Variants in RAB31 observed in about 807,000 individuals in gnomAD.
The protein encoded by RAB31 is RAB31, member RAS oncogene family.
A neutral mutation model predicts 25.6 loss-of-function variants in RAB31; 21 were observed. The observed-to-expected ratio is 0.82, with a 90% confidence interval of 0.58 to 1.18. The LOEUF (loss-of-function observed/expected upper bound fraction) is 1.18, where lower values mean the gene tolerates loss of function less well. Among genes scored for constraint, RAB31 ranks in the 50% most tolerant of loss-of-function variants. The probability of loss-of-function intolerance (pLI) is 0.00; values close to 1 mark genes in which losing one functional copy is unlikely to be tolerated. For missense variants in RAB31, 196 were observed against 250.1 expected (o/e 0.78, Z 1.46); for synonymous variants, 87 against 84.0 (o/e 1.04, Z -0.20).
chr18:9,850,602 A>T (rs1451975342), intron 6 of RAB31, among the ~76,000 whole-genome samples: 1 of 152,226 alleles, frequency 6.6e-6, no homozygotes, highest in African/African-American at 2.4e-5. Flanking sequence ...TGTGGCAGAG[A>T]AAGCAGGACT....
chr18:9,746,119 C>T (rs566411309), intron 1 of RAB31, among the ~76,000 whole-genome samples: 1 of 152,232 alleles, frequency 6.6e-6, no homozygotes, highest in South Asian at 2.1e-4. Context: ...GTTTTTACAC[C>T]AGCAGTGAAC....
intron 1 of RAB31, among the ~76,000 whole-genome samples, chr18:9,749,091 A>T (rs892821556): frequency 6.6e-6 from 1 of 152,178 alleles, no homozygotes; most frequent in African/African-American, 2.4e-5. Context: ...AAAAAAATAG[A>T]GGCATCATTA....
At chr18:9,800,390 A>G (rs2068507902) in intron 3 of RAB31, among the ~76,000 whole-genome samples, 2 of 152,188 alleles carry the variant, frequency 1.3e-5, no homozygotes, top group Non-Finnish European at 2.9e-5. Context: ...TTCCCATTAA[A>G]AAACCTGAAG....
At chr18:9,758,756 G>C (rs1202124082) in intron 1 of RAB31, among the ~76,000 whole-genome samples, 1 of 152,070 alleles carries the variant, frequency 6.6e-6, no homozygotes, top group Non-Finnish European at 1.5e-5. Context: ...ATCTGATTCT[G>C]AGTCTCAGCT....
intron 2 of RAB31, among the ~76,000 whole-genome samples, chr18:9,778,268 C>T (rs761760222): frequency 7.4e-4 from 112 of 152,098 alleles, no homozygotes; most frequent in Non-Finnish European, 1.4e-3. Flanking sequence ...TGGCAGGAGC[C>T]GTGTGTGCAT....
chr18:9,859,086 A>G, intron 6 of RAB31, 142 bp from the exon 7 acceptor site: 1 of 653,654 alleles, frequency 1.5e-6, no homozygotes, highest in South Asian at 2.0e-5. Flanking sequence ...AAGGAAAGGA[A>G]GGAAGGAGAA....
intron 1 of RAB31, among the ~76,000 whole-genome samples, chr18:9,718,474 G>T (rs1400235882): frequency 6.6e-6 from 1 of 151,940 alleles, no homozygotes; most frequent in Non-Finnish European, 1.5e-5. Context: ...GGTCAGGCTG[G>T]TCTTGAACTC....
rs570432985 is a variant in RAB31 at position 9,802,643 on chromosome 18, G to A, written c.201+10408G>A. Among the ~76,000 whole-genome samples the A allele has an allele frequency of 4.6e-5, 7 of 152,310 alleles. No homozygotes were observed. The East Asian group carries it at 1.2e-3, about 25-fold the overall frequency. On this transcript the variant is annotated intron_variant, in intron 3 of 6. Coordinates refer to ENST00000578921, the MANE Select transcript of RAB31 (RefSeq NM_006868.4). ...CCACCCCAGGCTGTTCAGCCATACC[G>A]CTTGTTCACCTCCTTCAGATTAATT...
chr18:9,718,671 A>G (rs2068056266), intron 1 of RAB31, among the ~76,000 whole-genome samples: 1 of 152,204 alleles, frequency 6.6e-6, no homozygotes, highest in Non-Finnish European at 1.5e-5. Flanking sequence ...GGGCTGAAAA[A>G]CAACAGAAAT....
chr18:9,758,691 C>A (rs1311153205), intron 1 of RAB31, among the ~76,000 whole-genome samples: 1 of 152,108 alleles, frequency 6.6e-6, no homozygotes, highest in African/African-American at 2.4e-5. Flanking sequence ...GGACTTACAG[C>A]AATAGCCATG....
intron 6 of RAB31, among the ~76,000 whole-genome samples, chr18:9,850,629 A>T (rs910578427): frequency 6.6e-6 from 1 of 152,198 alleles, no homozygotes; most frequent in Non-Finnish European, 1.5e-5. Context: ...TGAAAATTAC[A>T]CTTGGAGACA....
At chr18:9,775,032 A>G (rs1341855069) in intron 1 of RAB31, 4 of 615,802 alleles carry the variant, frequency 6.5e-6, no homozygotes, top group African/African-American at 1.8e-5. Context: ...TAAATATTGT[A>G]TACATGTCAG....
At chr18:9,809,418 A>C (rs1297615426) in intron 3 of RAB31, among the ~76,000 whole-genome samples, 1 of 152,252 alleles carries the variant, frequency 6.6e-6, no homozygotes, top group Non-Finnish European at 1.5e-5. Flanking sequence ...ACTAAAACCA[A>C]AATAAATAGG....
At chr18:9,812,265 A>G (rs988994185) in intron 3 of RAB31, among the ~76,000 whole-genome samples, 1 of 152,192 alleles carries the variant, frequency 6.6e-6, no homozygotes, top group East Asian at 1.9e-4. Context: ...ACATTATACC[A>G]TGAGTCAATT....
intron 5 of RAB31, among the ~76,000 whole-genome samples, chr18:9,820,166 T>C (rs1021080025): frequency 6.6e-6 from 1 of 152,114 alleles, no homozygotes; most frequent in African/African-American, 2.4e-5. Context: ...CCAGTAAGTA[T>C]CACACTAACT....
At chr18:9,814,235 A>G (rs1312051830) in intron 4 of RAB31, 144 bp downstream of exon 4, 1 of 582,796 alleles carries the variant, frequency 1.7e-6, no homozygotes, top group Admixed American at 2.7e-5. Flanking sequence ...GTAACAAAGC[A>G]TCCCATATTT....
At position 9,860,258 on chromosome 18, in the gene RAB31, T is replaced by C. The variant is rs1326764213; in HGVS notation, c.*933T>C. The C allele has an allele frequency of 2.6e-5, 4 of 152,292 alleles. No individual in the cohort carries two copies. The highest frequency in any genetic ancestry group is 2.1e-4 in the South Asian group (1 of 4,824). The allele number at this position is 152,292 out of a possible 1,614,324, so 9.4% of individuals were successfully genotyped here. A position where few individuals can be genotyped will look rare whatever the true frequency, so the allele number is the denominator to read the frequency against. On this transcript the variant is annotated 3_prime_UTR_variant, in exon 7 of 7. Coordinates refer to ENST00000578921, the MANE Select transcript of RAB31 (RefSeq NM_006868.4). ...AAATTTAATGTTTGAATCTAAATCA[T>C]TGGGCAAACTTCTAATAATAACAAT...
At chr18:9,724,830 G>A (rs1334911812) in intron 1 of RAB31, among the ~76,000 whole-genome samples, 2 of 152,208 alleles carry the variant, frequency 1.3e-5, no homozygotes, top group Non-Finnish European at 2.9e-5. Context: ...ACTGTGCTCA[G>A]TGTTTGCTAC....
intron 5 of RAB31, among the ~76,000 whole-genome samples, chr18:9,818,532 T>C (rs1276579699): frequency 6.6e-6 from 1 of 152,258 alleles, no homozygotes; most frequent in Non-Finnish European, 1.5e-5. Context: ...TTCATTTTTA[T>C]GGCTGAATAA....
Sources: gnomAD v4.1 joint callset for allele counts (sites outside exome capture counted in the v4.1 genomes callset) on GRCh38, gnomAD v4.1.1 for gene constraint, MANE v1.5 for transcripts, NCBI Gene and HGNC (gene_info 2026-07-23, HGNC 2026-07-21) for gene names.